Variants in TBC1D5 observed in about 807,000 individuals in gnomAD.
TBC1D5 encodes the protein TBC1 domain family member 5.
In TBC1D5, 75 loss-of-function variants were observed where a neutral mutation model predicts 100.3. That is an observed-to-expected ratio of 0.75 (90% CI 0.62 to 0.91). The LOEUF (loss-of-function observed/expected upper bound fraction) is 0.91. Ranked by LOEUF, TBC1D5 falls within the 40% of genes least tolerant of loss-of-function variation. TBC1D5 has a pLI of 0.00. For synonymous variants in TBC1D5, 323 were observed against 325.6 expected, an observed-to-expected ratio of 0.99 and a Z score of 0.09; for missense variants, 910 against 942.4, an observed-to-expected ratio of 0.97 and a Z score of 0.45.
intron 1 of TBC1D5, among the ~76,000 whole-genome samples, chr3:17,687,090 G>C (rs550087052): frequency 1.3e-5 from 2 of 152,158 alleles, no homozygotes; most frequent in African/African-American, 4.8e-5. Context: ...GGAACCCTTT[G>C]TACTTTCTGC....
chr3:17,491,678 C>G (rs1342669550), intron 3 of TBC1D5, among the ~76,000 whole-genome samples: 2 of 152,104 alleles, frequency 1.3e-5, no homozygotes, highest in African/African-American at 2.4e-5. Flanking sequence ...GGTGGATAAA[C>G]TTTTTGAAGT....
At chr3:17,644,012 A>C (rs1268074622) in intron 1 of TBC1D5, 1 of 152,100 alleles carries the variant, frequency 6.6e-6, no homozygotes, top group Admixed American at 6.6e-5. Flanking sequence ...CTCAACCTGA[A>C]ACCTTGCCAC....
At chr3:17,639,756 G>C (rs1003420862) in intron 1 of TBC1D5, among the ~76,000 whole-genome samples, 1 of 152,070 alleles carries the variant, frequency 6.6e-6, no homozygotes, top group Admixed American at 6.6e-5. Flanking sequence ...CTTACTCTTA[G>C]ACTACATCAA....
intron 2 of TBC1D5, among the ~76,000 whole-genome samples, chr3:17,525,052 G>A (rs2096114624): frequency 6.6e-6 from 1 of 151,870 alleles, no homozygotes; most frequent in Non-Finnish European, 1.5e-5. Context: ...TAAAATTTCT[G>A]GACACACAAG....
intron 19 of TBC1D5, among the ~76,000 whole-genome samples, chr3:17,175,864 C>T (rs2067659845): frequency 1.3e-5 from 2 of 152,200 alleles, no homozygotes; most frequent in Admixed American, 1.3e-4. Flanking sequence ...CAATGAACAT[C>T]AGCCTTTAAA....
chr3:17,263,144 C>A (rs1194397058), intron 15 of TBC1D5, among the ~76,000 whole-genome samples: 1 of 151,748 alleles, frequency 6.6e-6, no homozygotes, highest in African/African-American at 2.4e-5. Context: ...TTTGAGGCTG[C>A]AGTGAACTAT....
chr3:17,286,526 G>A (rs1034712678), intron 15 of TBC1D5, among the ~76,000 whole-genome samples: 3 of 152,122 alleles, frequency 2.0e-5, no homozygotes, highest in African/African-American at 7.2e-5. Context: ...GTTCTAATAT[G>A]ATAAAGACAA....
intron 19 of TBC1D5, among the ~76,000 whole-genome samples, chr3:17,175,153 T>C (rs904646944): frequency 2.0e-5 from 3 of 152,164 alleles, no homozygotes; most frequent in South Asian, 4.1e-4. Flanking sequence ...AAAATGAAGA[T>C]TGCACAGAAA....
At chr3:17,386,126 TAGA>T (rs1361703866) in intron 8 of TBC1D5, among the ~76,000 whole-genome samples, 1 of 152,112 alleles carries the variant, frequency 6.6e-6, no homozygotes, top group African/African-American at 2.4e-5. Context: ...AAGCTACGAA[TAGA>T]ATAATACTTT....
At chr3:17,255,444 C>A (rs1400861698) in intron 16 of TBC1D5, among the ~76,000 whole-genome samples, 1 of 152,082 alleles carries the variant, frequency 6.6e-6, no homozygotes, top group Non-Finnish European at 1.5e-5. Context: ...TCGTGATCTG[C>A]CCTCCTGGGC....
intron 1 of TBC1D5, among the ~76,000 whole-genome samples, chr3:17,706,864 T>C (rs2074237612): frequency 6.6e-6 from 1 of 151,922 alleles, no homozygotes; most frequent in African/African-American, 2.4e-5. Context: ...AAGACCTTTT[T>C]TTTTTAAAAA....
At chr3:17,492,092 C>G (rs1464795002) in intron 3 of TBC1D5, among the ~76,000 whole-genome samples, 1 of 152,094 alleles carries the variant, frequency 6.6e-6, no homozygotes, top group African/African-American at 2.4e-5. Context: ...TAGAGTTGTT[C>G]ACAGTATTCT....
At chr3:17,498,785 G>A (rs2095747908) in intron 3 of TBC1D5, among the ~76,000 whole-genome samples, 1 of 151,948 alleles carries the variant, frequency 6.6e-6, no homozygotes, top group Non-Finnish European at 1.5e-5. Context: ...TACAAGAAAA[G>A]TTATAAATAT....
chr3:17,186,526 T>C (rs1184956574), intron 18 of TBC1D5, among the ~76,000 whole-genome samples: 1 of 151,312 alleles, frequency 6.6e-6, no homozygotes, highest in East Asian at 1.9e-4. Context: ...CTTGTCAACA[T>C]GGTGAAACCC....
At chr3:17,510,496 A>G (rs886562916) in intron 2 of TBC1D5, among the ~76,000 whole-genome samples, 1 of 151,992 alleles carries the variant, frequency 6.6e-6, no homozygotes, top group African/African-American at 2.4e-5. Context: ...ATAAACCTAG[A>G]CGGTTGTCAG....
intron 18 of TBC1D5, among the ~76,000 whole-genome samples, chr3:17,211,022 G>A (rs772511528): frequency 6.6e-6 from 1 of 152,134 alleles, no homozygotes; most frequent in African/African-American, 2.4e-5. Context: ...ATTAAAATAT[G>A]ATTTTTGTTT....
At chr3:17,357,123 G>A (rs927677729) in intron 13 of TBC1D5, among the ~76,000 whole-genome samples, 10 of 152,102 alleles carry the variant, frequency 6.6e-5, no homozygotes, top group African/African-American at 2.4e-4. Flanking sequence ...ACCACCAGCA[G>A]AAAGCACTGG....
At chr3:17,635,865 G>A (rs1177321191) in intron 1 of TBC1D5, among the ~76,000 whole-genome samples, 2 of 152,064 alleles carry the variant, frequency 1.3e-5, no homozygotes, top group Non-Finnish European at 2.9e-5. Context: ...ACAAAGAAAT[G>A]GAACAAAAGC....
intron 17 of TBC1D5, among the ~76,000 whole-genome samples, chr3:17,237,872 A>T (rs1231985306): frequency 2.0e-5 from 3 of 152,204 alleles, no homozygotes; most frequent in African/African-American, 7.2e-5. Context: ...CAGAGAACAC[A>T]GTCAACTGAT....
Sources: allele counts gnomAD v4.1 joint callset (sites outside exome capture counted in the v4.1 genomes callset), GRCh38; gene constraint gnomAD v4.1.1; transcripts MANE v1.5; gene names NCBI Gene and HGNC (gene_info 2026-07-23, HGNC 2026-07-21).